PPP2R3B: variants seen among roughly 807,000 people sequenced by gnomAD.
The protein encoded by PPP2R3B is serine/threonine-protein phosphatase 2A regulatory subunit B'' subunit beta.
Under a neutral mutation model 72.9 loss-of-function variants are expected in PPP2R3B, and 68 were observed. The observed-to-expected ratio is 0.93, with a 90% CI of 0.77 to 1.14. The LOEUF (loss-of-function observed/expected upper bound fraction) is 1.14, where lower values mean the gene tolerates loss of function less well. Among genes scored for constraint, PPP2R3B ranks in the 50% most tolerant of loss-of-function variants. The probability of loss-of-function intolerance (pLI) is 0.00; values close to 1 mark genes in which losing one functional copy is unlikely to be tolerated. For missense variants in PPP2R3B, 1,018 were observed against 842.0 expected, an observed-to-expected ratio of 1.21 and a Z score of -2.59; for synonymous variants, 466 against 375.8, an observed-to-expected ratio of 1.24 and a Z score of -2.78.
chrX:373,337 G>A (rs747452602), intron 1 of PPP2R3B, among the ~76,000 whole-genome samples: 2 of 152,306 alleles, frequency 1.3e-5, no homozygotes, highest in East Asian at 1.9e-4. Flanking sequence ...CCCGGTTTTC[G>A]GCGGCGTGCG....
intron 2 of PPP2R3B, among the ~76,000 whole-genome samples, chrX:356,652 CT>C (rs2071439258): frequency 6.6e-6 from 1 of 152,198 alleles, no homozygotes; most frequent in South Asian, 2.1e-4. Context: ...CACACAGCAG[CT>C]TTACTCACAA....
intron 1 of PPP2R3B, 31 bp downstream of exon 1, chrX:386,337 G>A (rs780130122): frequency 2.3e-6 from 3 of 1,303,092 alleles, no homozygotes; most frequent in Non-Finnish European, 2.9e-6. Context: ...AGCCACCTGC[G>A]CAGTTGTTAG....
At chrX:334,573 G>A (rs1446791346) in intron 12 of PPP2R3B, 56 bp from the exon 13 acceptor site, 133 of 1,397,186 alleles carry the variant, frequency 9.5e-5, no homozygotes, top group Admixed American at 5.2e-4. Flanking sequence ...GCCCTGGGCC[G>A]TTTTCCGGGA....
At chrX:363,453 A>T (rs1446111419) in intron 1 of PPP2R3B, among the ~76,000 whole-genome samples, 37 of 9,458 alleles carry the variant, frequency 3.9e-3, no homozygotes, top group East Asian at 5.7e-3. Context: ...CATCTCCCCG[A>T]GCCCACCATC....
chrX:370,310 CAT>C (rs1402691043), intron 1 of PPP2R3B, among the ~76,000 whole-genome samples: 1 of 152,210 alleles, frequency 6.6e-6, no homozygotes, highest in African/African-American at 2.4e-5. Flanking sequence ...CACTCAGACA[CAT>C]GACTGCAGCC....
rs768447022 is a variant in PPP2R3B, at chrX:345,442, G to A, written c.1036+74C>T. 8.2e-6 allele frequency: 13 copies of A among 1,585,798 alleles called. No homozygotes were observed. The African/African-American group carries it at 1.5e-4, about 18-fold the overall frequency. ...TGGGAGTGCGGAAGGAGAGGCAGCT[G>A]CAGACCCGCAGGCCCTGAGAGAAGG... On this transcript the variant is annotated intron_variant, in intron 7 of 12. Coordinates refer to ENST00000390665, the MANE Select transcript of PPP2R3B (RefSeq NM_013239.5).
Position 347,587 on chromosome X carries a change from C to G in PPP2R3B, c.614+3G>C. On this transcript the variant is annotated splice_donor_region_variant and intron_variant, in intron 3 of 12. Coordinates refer to ENST00000390665, the MANE Select transcript of PPP2R3B (RefSeq NM_013239.5). ...ACAGCCCCCTGCCCAGCCCAGGACT[C>G]ACTTTCTCCACATGGCGACGAACTT... is the stretch of plus-strand genomic sequence containing the variant. 6.4e-7 allele frequency: 1 copy of G among 1,572,102 alleles called. No homozygotes were observed. The highest frequency in any genetic ancestry group is 8.6e-7 in the Non-Finnish European group (1 of 1,158,416).
intron 2 of PPP2R3B, among the ~76,000 whole-genome samples, chrX:351,124 C>T (rs1269125076): frequency 6.6e-6 from 1 of 152,108 alleles, no homozygotes; most frequent in Non-Finnish European, 1.5e-5. Context: ...TGAAGGCAGC[C>T]GTGTGCGGCT....
At chrX:360,162 G>A (rs1345898473) in intron 2 of PPP2R3B, among the ~76,000 whole-genome samples, 3 of 152,078 alleles carry the variant, frequency 2.0e-5, no homozygotes, top group Non-Finnish European at 4.4e-5. Context: ...GCGACCATGC[G>A]GAATTTATCC....
At chrX:338,280 T>G in intron 12 of PPP2R3B, 2 of 489,706 alleles carry the variant, frequency 4.1e-6, no homozygotes, top group South Asian at 2.3e-5. Context: ...GTGCCAGCCG[T>G]GGGATAAGGA....
At chrX:380,591 G>C (rs1421644894) in intron 1 of PPP2R3B, among the ~76,000 whole-genome samples, 5 of 152,002 alleles carry the variant, frequency 3.3e-5, no homozygotes, top group African/African-American at 1.2e-4. Context: ...TTCAAGACCA[G>C]CCTGACCAAC....
chrX:349,277 G>A lies in PPP2R3B; in HGVS notation c.511-1584C>T, dbSNP rs181980415. 6.5e-3 allele frequency among the ~76,000 whole-genome samples: 990 copies of A among 152,164 alleles called. 12 individuals carry two copies. Among genetic ancestry groups the A allele is most frequent in the African/African-American group, 0.022 (894 of 41,496 alleles). ...GACGCAGCGGGAAGGCGCCGTCGAT[G>A]AACCAGGCACCACTCTGCCACACCG... On this transcript the variant is annotated intron_variant, in intron 2 of 12. Coordinates refer to ENST00000390665, the MANE Select transcript of PPP2R3B (RefSeq NM_013239.5).
At chrX:370,907 G>A (rs1378745757) in intron 1 of PPP2R3B, among the ~76,000 whole-genome samples, 7 of 152,336 alleles carry the variant, frequency 4.6e-5, no homozygotes, top group Middle Eastern at 3.4e-3. Flanking sequence ...GCGTGGTGCC[G>A]TGTAGGGTCT....
chrX:340,904 C>T lies in PPP2R3B; in HGVS notation c.1212G>A (p.Gly404=). 6 of 1,611,980 alleles carry T rather than the reference C, an allele frequency of 3.7e-6. No individual in the cohort carries two copies. The highest frequency in any genetic ancestry group is 4.2e-6 in the Non-Finnish European group (5 of 1,179,678). Residue 404 remains glycine (G), a synonymous_variant, in exon 10 of 13, where the codon GGG becomes GGA. Transcript: ENST00000390665. The part of the protein sequence containing the change: ...EYWFRCMDLD[G]DGALSMFELE... The stretch of plus-strand genomic sequence containing the variant: ...GCTCGAACATGGACAGGGCGCCGTC[C>T]CCGTCCAGGTCCATGCAGCGGAACC...
intron 5 of PPP2R3B, 36 bp downstream of exon 5, chrX:346,665 G>GCGCTGGAA: frequency 6.3e-7 from 1 of 1,580,764 alleles, no homozygotes; most frequent in Non-Finnish European, 8.6e-7. Flanking sequence ...CCCGCGCCCC[G>GCGCTGGAA]CGCTGGAACC....
chrX:379,725 G>A (rs2072083432), intron 1 of PPP2R3B, among the ~76,000 whole-genome samples: 1 of 152,208 alleles, frequency 6.6e-6, no homozygotes, highest in African/African-American at 2.4e-5. Flanking sequence ...AAAGTCCTTT[G>A]TTTGTGGATT....
chrX:383,869 CAAAAAAACA>C (rs2072184159), intron 1 of PPP2R3B, among the ~76,000 whole-genome samples: 1 of 116,716 alleles, frequency 8.6e-6, no homozygotes, highest in Non-Finnish European at 1.9e-5. Flanking sequence ...AAAAAAAAAC[CAAAAAAACA>C]AAAAAACAAC....
In PPP2R3B at chrX:347,637, C is replaced by G; in HGVS notation, c.567G>C (p.Glu189Asp). 1.3e-6 allele frequency: 2 copies of G among 1,573,944 alleles called. No individual in the cohort carries two copies. Among genetic ancestry groups the G allele is most frequent in the Non-Finnish European group, 8.6e-7 (1 of 1,159,462 alleles). ...TGTGGACGGACACGGAGCCCGTGCG[C>G]TCCCCGCCGGCGCCATAGAAGAGCG... ...KGPLFYGAGG[E>D]RTGSVSVHKF... Residue 189 changes from glutamate to aspartate, a missense_variant, in exon 3 of 13, where the codon GAG becomes GAC. Physicochemically the swap from Glu to Asp is conservative, Grantham distance 45. Coordinates refer to ENST00000390665, the MANE Select transcript of PPP2R3B (RefSeq NM_013239.5).
Position 354,003 on chromosome X carries a change from C to CGGGGCTCACCCAGGGAGCA in PPP2R3B, c.511-6329_511-6311dup, listed in dbSNP as rs1569395328. On this transcript the variant is annotated intron_variant, in intron 2 of 12. Transcript: ENST00000390665. ...CAAAGACCAGGGCTCATCCAAAGAC[C>CGGGGCTCACCCAGGGAGCA]GGGGCTCACCCAGGGAGCAGGGGCT... Among the ~76,000 whole-genome samples, 181 of 143,342 alleles carry CGGGGCTCACCCAGGGAGCA rather than the reference C, an allele frequency of 1.3e-3. 9 individuals are homozygous for CGGGGCTCACCCAGGGAGCA. In the South Asian group the frequency reaches 0.038, roughly 30 times the overall value. 94.0% of individuals were successfully genotyped at this position (143,342 alleles called of 152,430 possible).
Sources: gnomAD v4.1 joint callset for allele counts (sites outside exome capture counted in the v4.1 genomes callset) on GRCh38, gnomAD v4.1.1 for gene constraint, MANE v1.5 for transcripts, NCBI Gene and HGNC (gene_info 2026-07-23, HGNC 2026-07-21) for gene names.